LHFPL3: variants seen among roughly 807,000 people sequenced by gnomAD.
The protein encoded by LHFPL3 is LHFPL tetraspan subfamily member 3, also known as LHFPL tetraspan subfamily member 3 protein.
Under a neutral mutation model 19.3 loss-of-function variants are expected in LHFPL3, and 5 were observed. The ratio of observed to expected loss-of-function variants is 0.26; its 90% confidence interval spans 0.14 to 0.54. LHFPL3 has a LOEUF of 0.54. LHFPL3 is among the 20% of genes least tolerant of loss of function. The pLI, the probability that LHFPL3 is intolerant of heterozygous loss-of-function variation, is 0.94. For synonymous variants in LHFPL3, 133 were observed against 126.2 expected (o/e 1.05, Z -0.36); for missense variants, 249 against 307.4 (o/e 0.81, Z 1.42).
intron 1 of LHFPL3, among the ~76,000 whole-genome samples, chr7:104,682,280 G>A (rs550244901): frequency 1.3e-4 from 20 of 152,224 alleles, no homozygotes; most frequent in African/African-American, 3.6e-4. Context: ...ACAAAAGACC[G>A]TCCCTCTGTA....
chr7:104,505,888 T>C (rs1793688980), intron 1 of LHFPL3, among the ~76,000 whole-genome samples: 1 of 152,108 alleles, frequency 6.6e-6, no homozygotes, highest in South Asian at 2.1e-4. Flanking sequence ...AAGTTATACA[T>C]AGAAAGGACG....
intron 1 of LHFPL3, among the ~76,000 whole-genome samples, chr7:104,567,503 A>T (rs1257880465): frequency 6.6e-6 from 1 of 152,224 alleles, no homozygotes; most frequent in Admixed American, 6.5e-5. Context: ...GCATCAGGTG[A>T]GCACCTGGAT....
intron 1 of LHFPL3, among the ~76,000 whole-genome samples, chr7:104,699,394 C>A (rs987006920): frequency 1.7e-4 from 26 of 152,198 alleles, no homozygotes; most frequent in Non-Finnish European, 2.8e-4. Context: ...ACACATGCTA[C>A]AACATGGATG....
chr7:104,337,897 C>T (rs1412280189), intron 1 of LHFPL3, among the ~76,000 whole-genome samples: 1 of 152,090 alleles, frequency 6.6e-6, no homozygotes, highest in Non-Finnish European at 1.5e-5. Context: ...GTATTGACCA[C>T]TTGGTATGTT....
Position 104,803,773 on chromosome 7 carries a change from T to C in LHFPL3, c.682+66862T>C, listed in dbSNP as rs76436763. ...TAATAAGGGCAAAATATATATTTGC[T>C]GATGAATGAACTTGTCTAGGGAATA... On this transcript the variant is annotated intron_variant, in intron 2 of 2. Transcript: ENST00000424859. Among the ~76,000 whole-genome samples, 361 of 152,366 alleles carry C rather than the reference T, an allele frequency of 2.4e-3. 8 individuals carry two copies. In the East Asian group the frequency reaches 0.06, roughly 25 times the overall value.
chr7:104,521,905 G>A (rs1794071339), intron 1 of LHFPL3, among the ~76,000 whole-genome samples: 1 of 152,130 alleles, frequency 6.6e-6, no homozygotes, highest in Non-Finnish European at 1.5e-5. Flanking sequence ...TGGAGAGGAT[G>A]TGGAGAAATA....
intron 1 of LHFPL3, among the ~76,000 whole-genome samples, chr7:104,504,825 A>G (rs1214930744): frequency 6.6e-6 from 1 of 152,228 alleles, no homozygotes; most frequent in Non-Finnish European, 1.5e-5. Flanking sequence ...CTGTGTTGCA[A>G]TATTATAAAA....
chr7:104,833,031 T>TTC (rs1790994534), intron 2 of LHFPL3, among the ~76,000 whole-genome samples: 1 of 4,564 alleles, frequency 2.2e-4, no homozygotes, highest in Non-Finnish European at 9.7e-4. Context: ...AATAGATATA[T>TTC]TATATATATA....
chr7:104,358,173 T>G (rs1790320166), intron 1 of LHFPL3, among the ~76,000 whole-genome samples: 1 of 152,200 alleles, frequency 6.6e-6, no homozygotes, highest in Non-Finnish European at 1.5e-5. Context: ...GGAGACTGAC[T>G]GCTGAGTGCG....
rs71155523 is a variant in LHFPL3, at chr7:104,771,816, C to CTTT, written c.682+34929_682+34931dup. On this transcript the variant is annotated intron_variant, in intron 2 of 2. Coordinates refer to ENST00000424859, the MANE Select transcript of LHFPL3 (RefSeq NM_199000.3). ...ACTTATTAATTTTTCTTTTGCCTCT[C>CTTT]TTTTTTTTTTTTTTTTTTTTTTTTT... Among the ~76,000 whole-genome samples, 27 of 75,432 alleles carry CTTT rather than the reference C, an allele frequency of 3.6e-4. 5 individuals are homozygous for CTTT. In the East Asian group the frequency reaches 5.3e-3, roughly 15 times the overall value. 49.5% of individuals were successfully genotyped at this position (75,432 alleles called of 152,430 possible).
At chr7:104,697,854 C>T (rs2116161391) in intron 1 of LHFPL3, among the ~76,000 whole-genome samples, 1 of 152,322 alleles carries the variant, frequency 6.6e-6, no homozygotes, top group South Asian at 2.1e-4. Context: ...GATTAGCATC[C>T]AAGGGATCTG....
At chr7:104,390,741 T>TC (rs1791049235) in intron 1 of LHFPL3, among the ~76,000 whole-genome samples, 1 of 152,224 alleles carries the variant, frequency 6.6e-6, no homozygotes, top group Non-Finnish European at 1.5e-5. Context: ...TAGTTCTAGA[T>TC]CCTTGAGGAA....
rs1278550298 is a variant in LHFPL3 at position 104,558,820 on chromosome 7, G to A, written c.446-177855G>A. 9.1e-4 allele frequency among the ~76,000 whole-genome samples: 132 copies of A among 145,018 alleles called. 4 individuals carry two copies. The highest frequency in any genetic ancestry group is 3.5e-3 in the Middle Eastern group (1 of 284). On this transcript the variant is annotated intron_variant, in intron 1 of 2. Coordinates refer to ENST00000424859, the MANE Select transcript of LHFPL3 (RefSeq NM_199000.3). ...GGGTTTTTATGGTTTTAGGTCTAAC[G>A]TTTAAGTCTTTAATCCATCTTGAAT...
intron 2 of LHFPL3, among the ~76,000 whole-genome samples, chr7:104,861,650 G>A (rs79041073): frequency 0.024 from 3,631 of 152,192 alleles, 145 homozygotes; most frequent in African/African-American, 0.083. Flanking sequence ...CTAAAAAAAC[G>A]CAGCCACCCA....
chr7:104,703,787 A>G (rs1281604438), intron 1 of LHFPL3, among the ~76,000 whole-genome samples: 3 of 151,648 alleles, frequency 2.0e-5, no homozygotes, highest in African/African-American at 7.3e-5. Flanking sequence ...AACATACTTC[A>G]TTTTTTTCTT....
At chr7:104,448,838 T>A (rs1449496748) in intron 1 of LHFPL3, among the ~76,000 whole-genome samples, 1 of 152,226 alleles carries the variant, frequency 6.6e-6, no homozygotes, top group Non-Finnish European at 1.5e-5. Flanking sequence ...AAAAAATGTT[T>A]ACTTGATCAT....
intron 1 of LHFPL3, chr7:104,668,223 G>C: frequency 6.2e-7 from 1 of 1,613,362 alleles, no homozygotes; most frequent in Non-Finnish European, 8.5e-7. Flanking sequence ...TCTCAATGAA[G>C]AGTCTCTAAG....
intron 1 of LHFPL3, among the ~76,000 whole-genome samples, chr7:104,450,522 A>G (rs1398426417): frequency 2.6e-5 from 4 of 152,042 alleles, no homozygotes; most frequent in Admixed American, 2.0e-4. Flanking sequence ...GAGTTGAACA[A>G]TGAGAACATA....
At chr7:104,594,510 G>T (rs1432285577) in intron 1 of LHFPL3, among the ~76,000 whole-genome samples, 2 of 152,106 alleles carry the variant, frequency 1.3e-5, no homozygotes, top group Admixed American at 1.3e-4. Flanking sequence ...TGACAATGAT[G>T]TGTCTTGAGG....
Sources: gnomAD v4.1 joint callset for allele counts (sites outside exome capture counted in the v4.1 genomes callset) on GRCh38, gnomAD v4.1.1 for gene constraint, MANE v1.5 for transcripts, NCBI Gene and HGNC (gene_info 2026-07-23, HGNC 2026-07-21) for gene names.